The following RPH3AL variants were observed in gnomAD, a reference collection of about 807,000 sequenced individuals.
RPH3AL encodes the protein rabphilin 3A like (without C2 domains).
A neutral mutation model predicts 43.1 loss-of-function variants in RPH3AL; 38 were observed. That is an observed-to-expected ratio of 0.88 (90% CI 0.68 to 1.15). RPH3AL has a LOEUF of 1.15. RPH3AL is among the 50% of genes most tolerant of loss of function. The pLI is 0.00. For missense variants in RPH3AL, 462 were observed against 423.2 expected (o/e 1.09, Z -0.81); for synonymous variants, 189 against 176.3 (o/e 1.07, Z -0.57).
At chr17:317,352 G>T (rs1375995889) in intron 5 of RPH3AL, among the ~76,000 whole-genome samples, 2 of 142,908 alleles carry the variant, frequency 1.4e-5, no homozygotes, top group Non-Finnish European at 3.0e-5. Flanking sequence ...TGAAGTCCCT[G>T]TGCCCCCACC....
intron 5 of RPH3AL, among the ~76,000 whole-genome samples, chr17:282,207 C>A (rs1474096696): frequency 5.9e-5 from 9 of 152,258 alleles, no homozygotes; most frequent in African/African-American, 2.2e-4. Context: ...AGCACGTGAT[C>A]TGGCCTTCAC....
intron 5 of RPH3AL, among the ~76,000 whole-genome samples, chr17:314,648 TG>T (rs67477242): frequency 4.8e-3 from 180 of 37,676 alleles, no homozygotes; most frequent in Non-Finnish European, 6.8e-3. Flanking sequence ...GTAGTCCCTG[TG>T]ACTCCACCTC....
chr17:347,322 G>C (rs1246967732), intron 1 of RPH3AL, among the ~76,000 whole-genome samples: 1 of 152,164 alleles, frequency 6.6e-6, no homozygotes, highest in Non-Finnish European at 1.5e-5. Context: ...GTGGGACTCT[G>C]TATCTATGAA....
intron 5 of RPH3AL, among the ~76,000 whole-genome samples, chr17:315,299 G>GACCTGTAGTTCCTGTGCCCCCACTTCCAC (rs2043947119): frequency 1.3e-4 from 1 of 7,992 alleles, no homozygotes; most frequent in African/African-American, 3.8e-4. Context: ...CCCACCTCCA[G>GACCTGTAGTTCCTGTGCCCCCACTTCCAC]TGACCTGTAG....
chr17:326,349 A>AT lies in RPH3AL; in HGVS notation c.77+1117dup, dbSNP rs573095486. Among the ~76,000 whole-genome samples, 25 of 152,146 alleles carry AT rather than the reference A, an allele frequency of 1.6e-4. No individual in the cohort carries two copies. The South Asian group carries it at 3.5e-3, about 22-fold the overall frequency. ...TGCAGGCTCATAACATCTAATTGCA[A>AT]TTTTTTTTAATTTGGTCCCACTTGG... is the stretch of plus-strand genomic sequence containing the variant. On this transcript the variant is annotated intron_variant, in intron 3 of 9. Transcript: ENST00000331302.
chr17:213,606 G>C lies in RPH3AL; in HGVS notation c.*246C>G. On this transcript the variant is annotated 3_prime_UTR_variant, in exon 10 of 10. Coordinates refer to ENST00000331302, the MANE Select transcript of RPH3AL (RefSeq NM_006987.4). ...CAGGTAGATTGGGGGTGTGGGAGGGGAGGGTAATAAATAAGGTCGGGGGCT... is the reference window on the plus strand; with the variant it reads ...CAGGTAGATTGGGGGTGTGGGAGGGCAGGGTAATAAATAAGGTCGGGGGCT... 1.7e-6 allele frequency: 1 copy of C among 579,220 alleles called. No homozygotes were observed. Among genetic ancestry groups the C allele is most frequent in the Non-Finnish European group, 3.1e-6 (1 of 323,916 alleles). 35.9% of individuals were successfully genotyped at this position (579,220 alleles called of 1,614,324 possible).
At chr17:265,682 A>G (rs4985590) in intron 6 of RPH3AL, among the ~76,000 whole-genome samples, 12,394 of 152,298 alleles carry the variant, frequency 0.081, 545 homozygotes, top group Non-Finnish European at 0.088. Context: ...TGACCTCTGG[A>G]AAATGACACA....
rs2044850743 is a variant in RPH3AL at position 333,264 on chromosome 17, C to T, written c.-37+495G>A. 7.8e-7 allele frequency: 1 copy of T among 1,288,168 alleles called. No individual in the cohort carries two copies. Among genetic ancestry groups the T allele is most frequent in the African/African-American group, 1.5e-5 (1 of 65,866 alleles). 79.8% of individuals were successfully genotyped at this position (1,288,168 alleles called of 1,614,324 possible). On this transcript the variant is annotated intron_variant, in intron 2 of 9. Coordinates refer to ENST00000331302, the MANE Select transcript of RPH3AL (RefSeq NM_006987.4). This position sits in a 1 kb window ranked among gnomAD's most constrained non-coding sequence, Gnocchi z 4.5. ...GACATCACTGCAGACACAGAGACGG[C>T]CATTATGCAGCCTCACGTGGTCACT...
At chr17:236,196 C>T (rs2041390508) in intron 7 of RPH3AL, among the ~76,000 whole-genome samples, 1 of 152,216 alleles carries the variant, frequency 6.6e-6, no homozygotes, top group Non-Finnish European at 1.5e-5. Flanking sequence ...AGCTCCTGAC[C>T]CACAGGACCC....
At chr17:247,614 CAGCTGG>C in intron 6 of RPH3AL, 3 of 306,412 alleles carry the variant, frequency 9.8e-6, no homozygotes, top group South Asian at 7.7e-5. Context: ...GTCTCCTCAG[CAGCTGG>C]GACTACTGTA....
chr17:326,002 A>G (rs2044610288), intron 3 of RPH3AL, among the ~76,000 whole-genome samples: 1 of 152,182 alleles, frequency 6.6e-6, no homozygotes, highest in Non-Finnish European at 1.5e-5. Flanking sequence ...CTGCTGAGAG[A>G]GAGAGAAGGT....
intron 6 of RPH3AL, among the ~76,000 whole-genome samples, chr17:269,193 AG>A (rs2042403224): frequency 6.6e-6 from 1 of 151,112 alleles, no homozygotes; most frequent in South Asian, 2.1e-4. Context: ...TTTATTTTTT[AG>A]AGACGAGGGA....
chr17:244,712 G>A (rs931137947), intron 7 of RPH3AL, among the ~76,000 whole-genome samples: 2 of 152,146 alleles, frequency 1.3e-5, no homozygotes, highest in African/African-American at 4.8e-5. Context: ...AGAGCATGGG[G>A]CCACTGCCCT....
intron 6 of RPH3AL, among the ~76,000 whole-genome samples, chr17:249,410 C>A (rs1259302505): frequency 6.6e-6 from 1 of 152,100 alleles, no homozygotes. Flanking sequence ...ACTTGAGGAT[C>A]AGGCCCAAGA....
chr17:298,627 C>T (rs922922407), intron 5 of RPH3AL, among the ~76,000 whole-genome samples: 1 of 151,846 alleles, frequency 6.6e-6, no homozygotes, highest in Non-Finnish European at 1.5e-5. Flanking sequence ...ATCACTTGAA[C>T]CCGGGAGGCG....
intron 8 of RPH3AL, among the ~76,000 whole-genome samples, chr17:218,138 G>C (rs2040856157): frequency 6.6e-6 from 1 of 151,668 alleles, no homozygotes; most frequent in Non-Finnish European, 1.5e-5. Flanking sequence ...CTGAAATCAG[G>C]ACCTCCAAGG....
intron 5 of RPH3AL, among the ~76,000 whole-genome samples, chr17:303,378 G>A (rs770451257): frequency 1.9e-4 from 29 of 151,944 alleles, no homozygotes; most frequent in Middle Eastern, 3.4e-3. Context: ...GCAGCACAGC[G>A]AGACCCTGTC....
chr17:259,620 C>T (rs771312546), intron 6 of RPH3AL, among the ~76,000 whole-genome samples: 7 of 152,300 alleles, frequency 4.6e-5, no homozygotes, highest in East Asian at 1.9e-4. Flanking sequence ...AAACCCTACT[C>T]GGCTCCCCAC....
intron 7 of RPH3AL, among the ~76,000 whole-genome samples, chr17:228,135 C>T (rs989634968): frequency 2.0e-5 from 3 of 152,162 alleles, no homozygotes; most frequent in African/African-American, 4.8e-5. Context: ...GGGGAGTCAC[C>T]GGCTCTGAGA....
Sources: allele counts gnomAD v4.1 joint callset (sites outside exome capture counted in the v4.1 genomes callset), GRCh38; gene constraint gnomAD v4.1.1; non-coding constraint Gnocchi (gnomAD v3.1); transcripts MANE v1.5; gene names NCBI Gene and HGNC (gene_info 2026-07-23, HGNC 2026-07-21).